ONECUT2: variants seen among roughly 807,000 people sequenced by gnomAD.
ONECUT2 encodes one cut homeobox 2, also known as one cut domain family member 2.
A neutral mutation model predicts 27.9 loss-of-function variants in ONECUT2; 10 were observed. That is an observed-to-expected ratio of 0.36 (90% CI 0.22 to 0.61). The LOEUF (loss-of-function observed/expected upper bound fraction) is 0.61, where lower values mean the gene tolerates loss of function less well. ONECUT2 is among the 20% of genes least tolerant of loss of function. The probability of loss-of-function intolerance (pLI) is 0.73; values close to 1 mark genes in which losing one functional copy is unlikely to be tolerated. For missense variants in ONECUT2, 686 were observed against 721.0 expected (o/e 0.95, Z 0.56); for synonymous variants, 334 against 315.1 (o/e 1.06, Z -0.64).
In ONECUT2 at chr18:57,488,431, G is replaced by A. The variant is rs2050448886; in HGVS notation, c.*11708G>A. ...CAAATCCATTTTTGATCCAAAGAAA[G>A]TAGAGGAGTATTTGAGACATGAGTG... On this transcript the variant is annotated 3_prime_UTR_variant, in exon 2 of 2. Transcript: ENST00000491143. 6.6e-6 allele frequency: 1 copy of A among 152,622 alleles called. No individual in the cohort carries two copies. Among genetic ancestry groups the A allele is most frequent in the African/African-American group, 2.4e-5 (1 of 41,440 alleles). The allele number at this position is 152,622 out of a possible 1,614,324, so 9.5% of individuals were successfully genotyped here. A position where few individuals can be genotyped will look rare whatever the true frequency, so the allele number is the denominator to read the frequency against.
Position 57,488,364 on chromosome 18 carries a change from A to C in ONECUT2, c.*11641A>C, listed in dbSNP as rs1310067009. On this transcript the variant is annotated 3_prime_UTR_variant, in exon 2 of 2. Coordinates refer to ENST00000491143, the MANE Select transcript of ONECUT2 (RefSeq NM_004852.3). The stretch of plus-strand genomic sequence containing the variant: ...TTTTCCTGACACTCACAAACCCACA[A>C]ACTGTTCCTCTTAATGCAGATATTG... The C allele has an allele frequency of 6.6e-6, 1 of 152,610 alleles. No individual in the cohort carries two copies. The highest frequency in any genetic ancestry group is 1.5e-5 in the Non-Finnish European group (1 of 68,038). The allele number at this position is 152,610 out of a possible 1,614,324, so 9.5% of individuals were successfully genotyped here. A position where few individuals can be genotyped will look rare whatever the true frequency, so the allele number is the denominator to read the frequency against.
At chr18:57,444,077 G>C (rs139018338) in intron 1 of ONECUT2, among the ~76,000 whole-genome samples, 3 of 152,292 alleles carry the variant, frequency 2.0e-5, no homozygotes, top group Non-Finnish European at 4.4e-5. Context: ...CATTTTTAAA[G>C]GGAAAGGTAA....
At chr18:57,475,848 G>C (rs577960128) in intron 1 of ONECUT2, among the ~76,000 whole-genome samples, 1 of 152,198 alleles carries the variant, frequency 6.6e-6, no homozygotes, top group Admixed American at 6.5e-5. Context: ...TCTTCTGTTT[G>C]TTTTGTTCTA....
At chr18:57,469,100 A>G (rs957389151) in intron 1 of ONECUT2, among the ~76,000 whole-genome samples, 3 of 152,194 alleles carry the variant, frequency 2.0e-5, no homozygotes, top group African/African-American at 7.2e-5. Context: ...GATTTTTCCA[A>G]CATAACCCCA....
At chr18:57,444,513 A>G in intron 1 of ONECUT2, 1 of 450,768 alleles carries the variant, frequency 2.2e-6, no homozygotes, top group Non-Finnish European at 4.5e-6. Flanking sequence ...TTGAGCATGA[A>G]GCTGTGCCCT....
intron 1 of ONECUT2, among the ~76,000 whole-genome samples, chr18:57,450,260 G>A (rs560568359): frequency 1.4e-4 from 22 of 152,198 alleles, no homozygotes; most frequent in African/African-American, 4.6e-4. Context: ...TGCAACATCC[G>A]TCTCCAGGGT....
chr18:57,447,907 C>T (rs188251519), intron 1 of ONECUT2, among the ~76,000 whole-genome samples: 31 of 152,264 alleles, frequency 2.0e-4, no homozygotes, highest in Admixed American at 4.6e-4. Flanking sequence ...TAATGAAAAC[C>T]TTGCCACTGC....
At chr18:57,474,971 G>T (rs1182169222) in intron 1 of ONECUT2, among the ~76,000 whole-genome samples, 1 of 151,916 alleles carries the variant, frequency 6.6e-6, no homozygotes, top group Non-Finnish European at 1.5e-5. Flanking sequence ...CTGGGCCTCT[G>T]CTCCTTCCTG....
chr18:57,483,211 G>A lies in ONECUT2; in HGVS notation c.*6488G>A, dbSNP rs2050424277. ...GGGAGACAGTGGGCTCTGGTTTCCAGGATTGAGACAATGGTACTGCGGTCT... is the reference window on the plus strand; with the variant it reads ...GGGAGACAGTGGGCTCTGGTTTCCAAGATTGAGACAATGGTACTGCGGTCT... On this transcript the variant is annotated 3_prime_UTR_variant, in exon 2 of 2. Transcript: ENST00000491143. 6.6e-6 allele frequency: 1 copy of A among 152,568 alleles called. No individual in the cohort carries two copies. Among genetic ancestry groups the A allele is most frequent in the African/African-American group, 2.4e-5 (1 of 41,438 alleles). 9.5% of individuals were successfully genotyped at this position (152,568 alleles called of 1,614,324 possible).
At chr18:57,460,658 A>G (rs1173270614) in intron 1 of ONECUT2, among the ~76,000 whole-genome samples, 1 of 149,932 alleles carries the variant, frequency 6.7e-6, no homozygotes, top group African/African-American at 2.5e-5. Context: ...TCAATTATAC[A>G]TAGGGCACAG....
rs2050427496 is a variant in ONECUT2 at position 57,483,946 on chromosome 18, G to T, written c.*7223G>T. The T allele has an allele frequency of 6.6e-6, 1 of 152,556 alleles. No homozygotes were observed. Among genetic ancestry groups the T allele is most frequent in the African/African-American group, 2.4e-5 (1 of 41,436 alleles). The allele number at this position is 152,556 out of a possible 1,614,324, so 9.5% of individuals were successfully genotyped here. On this transcript the variant is annotated 3_prime_UTR_variant, in exon 2 of 2. Coordinates refer to ENST00000491143, the MANE Select transcript of ONECUT2 (RefSeq NM_004852.3). ...AAAACAACAGAGAGCACTGCAGTTT[G>T]TTTGCTGTCAGAACAACAGAGCAAA...
At position 57,478,519 on chromosome 18, in the gene ONECUT2, G is replaced by T. The variant is rs1441247583; in HGVS notation, c.*1796G>T. 6.5e-6 allele frequency: 1 copy of T among 152,676 alleles called. No homozygotes were observed. The highest frequency in any genetic ancestry group is 3.4e-3 in the Middle Eastern group (1 of 294). 9.5% of individuals were successfully genotyped at this position (152,676 alleles called of 1,614,324 possible). A position where few individuals can be genotyped will look rare whatever the true frequency, so the allele number is the denominator to read the frequency against. On this transcript the variant is annotated 3_prime_UTR_variant, in exon 2 of 2. Coordinates refer to ENST00000491143, the MANE Select transcript of ONECUT2 (RefSeq NM_004852.3). The stretch of plus-strand genomic sequence containing the variant: ...GAAGGAAGCACGCCAGAAAATAAAC[G>T]AAAACAAAAACAGGGAGACACACTG...
Position 57,477,149 on chromosome 18 carries a change from G to T in ONECUT2, c.*426G>T, listed in dbSNP as rs2050388038. On this transcript the variant is annotated 3_prime_UTR_variant, in exon 2 of 2. Transcript: ENST00000491143. Reference sequence around the variant, plus strand: ...ACAATAGGAGTTTGGCCTATGTAAGGACTCTGAGTTTAGGCTTCCAAGATA... The same window carrying T: ...ACAATAGGAGTTTGGCCTATGTAAGTACTCTGAGTTTAGGCTTCCAAGATA... 1 of 179,034 alleles carries T rather than the reference G, an allele frequency of 5.6e-6. No homozygotes were observed. Among genetic ancestry groups the T allele is most frequent in the South Asian group, 1.3e-4 (1 of 7,512 alleles). 11.1% of individuals were successfully genotyped at this position (179,034 alleles called of 1,614,324 possible). A position where few individuals can be genotyped will look rare whatever the true frequency, so the allele number is the denominator to read the frequency against.
At position 57,436,656 on chromosome 18, in the gene ONECUT2, C is replaced by G; in HGVS notation, c.940C>G (p.Arg314Gly). ...HGPVLAPSRE[R>G]PPSSSSGSQV... is the part of the protein sequence containing the mutation. The stretch of plus-strand genomic sequence containing the variant: ...GCCGGTGCTGGCACCCAGTCGCGAG[C>G]GGCCACCCTCGTCCTCATCGGGCTC... The change falls in exon 1 of 2, where the codon CGG (arginine) becomes GGG (glycine). Residue 314 changes from arginine to glycine, a missense_variant. Arg to Gly is a moderately radical substitution (Grantham distance 125, BLOSUM62 -2). Transcript: ENST00000491143. The surrounding 1 kb of genome is among the most constrained non-coding windows in gnomAD (Gnocchi z 5.9). 6.2e-7 allele frequency: 1 copy of G among 1,612,262 alleles called. No individual in the cohort carries two copies.
intron 1 of ONECUT2, among the ~76,000 whole-genome samples, chr18:57,456,192 T>A (rs1049891012): frequency 1.3e-5 from 2 of 152,310 alleles, no homozygotes; most frequent in Admixed American, 6.5e-5. Context: ...CTCAGAAATT[T>A]AAAATGTGAG....
rs914841997 is a variant in ONECUT2 at position 57,436,243 on chromosome 18, C to T, written c.527C>T (p.Pro176Leu). Residue 176 changes from proline (P) to leucine (L), a missense_variant, in exon 1 of 2, where the codon CCG becomes CTG. Around this residue, in one of 4 missense-constraint regions of ONECUT2, gnomAD observed 511 missense variants for 488.1 expected, o/e 1.05. Coordinates refer to ENST00000491143, the MANE Select transcript of ONECUT2 (RefSeq NM_004852.3). The surrounding 1 kb of genome is among the most constrained non-coding windows in gnomAD (Gnocchi z 5.9). The part of the protein sequence containing the change: ...KFHHPHPHHH[P>L]HHHHHHHHQR... Reference sequence around the variant, plus strand: ...CACCACCCTCACCCGCACCACCATCCGCACCACCACCACCACCACCACCAC... The same window carrying T: ...CACCACCCTCACCCGCACCACCATCTGCACCACCACCACCACCACCACCAC... 1 of 1,602,346 alleles carries T rather than the reference C, an allele frequency of 6.2e-7. No homozygotes were observed. Among genetic ancestry groups the T allele is most frequent in the Non-Finnish European group, 8.5e-7 (1 of 1,177,194 alleles).
chr18:57,441,120 G>A (rs1442041582), intron 1 of ONECUT2, among the ~76,000 whole-genome samples: 1 of 152,220 alleles, frequency 6.6e-6, no homozygotes, highest in Non-Finnish European at 1.5e-5. Context: ...CCCTCGATGC[G>A]AGAGGCTGGG....
intron 1 of ONECUT2, among the ~76,000 whole-genome samples, chr18:57,472,443 G>C (rs2050359150): frequency 6.6e-6 from 1 of 152,146 alleles, no homozygotes; most frequent in Non-Finnish European, 1.5e-5. Flanking sequence ...CTGACCAACT[G>C]CTTTTGTCAA....
intron 1 of ONECUT2, among the ~76,000 whole-genome samples, chr18:57,439,958 C>T (rs1267165465): frequency 6.6e-6 from 1 of 152,276 alleles, no homozygotes; most frequent in African/African-American, 2.4e-5. Context: ...AAAGCTCACC[C>T]TTAGGCGAGG....
Sources: gnomAD v4.1 joint callset for allele counts (sites outside exome capture counted in the v4.1 genomes callset) on GRCh38, gnomAD v4.1.1 for gene constraint, gnomAD v4.1.1 regional missense constraint, Gnocchi (gnomAD v3.1) non-coding constraint, MANE v1.5 for transcripts, NCBI Gene and HGNC (gene_info 2026-07-23, HGNC 2026-07-21) for gene names.